HS3ST3A1: variants seen among roughly 807,000 people sequenced by gnomAD.
HS3ST3A1 encodes heparan sulfate-glucosamine 3-sulfotransferase 3A1.
A neutral mutation model predicts 25.7 loss-of-function variants in HS3ST3A1; 19 were observed. The ratio of observed to expected loss-of-function variants is 0.74; its 90% CI spans 0.52 to 1.08. The LOEUF is 1.08. Among genes scored for constraint, HS3ST3A1 ranks in the 50% least tolerant of loss-of-function variants. The pLI is 0.00. For synonymous variants in HS3ST3A1, 226 were observed against 278.6 expected (o/e 0.81, Z 1.88); for missense variants, 459 against 594.3 (o/e 0.77, Z 2.37).
At chr17:13,599,906 C>T (rs1219784922) in intron 1 of HS3ST3A1, among the ~76,000 whole-genome samples, 4 of 152,218 alleles carry the variant, frequency 2.6e-5, no homozygotes, top group Non-Finnish European at 5.9e-5. Context: ...AAACTCATTC[C>T]TTGCCCTCAA....
intron 1 of HS3ST3A1, among the ~76,000 whole-genome samples, chr17:13,533,941 A>C (rs1173777397): frequency 6.6e-6 from 1 of 152,174 alleles, no homozygotes; most frequent in Non-Finnish European, 1.5e-5. Flanking sequence ...AATTAGGATG[A>C]ATTTAGTATT....
intron 1 of HS3ST3A1, among the ~76,000 whole-genome samples, chr17:13,561,091 T>C (rs1039002193): frequency 6.6e-6 from 1 of 152,094 alleles, no homozygotes; most frequent in Non-Finnish European, 1.5e-5. Flanking sequence ...TGGGAGCTTT[T>C]AAAAGATGCA....
intron 1 of HS3ST3A1, among the ~76,000 whole-genome samples, chr17:13,522,853 G>GAGAC (rs1555538069): frequency 0.017 from 2,580 of 148,412 alleles, 56 homozygotes; most frequent in African/African-American, 0.054. Flanking sequence ...CACACAGAGA[G>GAGAC]ACACACACAC....
chr17:13,540,655 G>A (rs35808530), intron 1 of HS3ST3A1, among the ~76,000 whole-genome samples: 15,054 of 152,240 alleles, frequency 0.099, 892 homozygotes, highest in Non-Finnish European at 0.14. Flanking sequence ...AAGGAGAGGT[G>A]TGACTTACCA....
chr17:13,548,557 C>T lies in HS3ST3A1; in HGVS notation c.600-51739G>A, dbSNP rs144924921. Among the ~76,000 whole-genome samples the T allele has an allele frequency of 1.6e-3, 243 of 152,206 alleles. 3 individuals are homozygous for T. The highest frequency in any genetic ancestry group is 6.7e-3 in the Admixed American group (103 of 15,292). ...TTAACAAACCGTCTCTAATCCTATCCCCCAGTCTACCATATTCTTAGACTT... is the reference window on the plus strand; with the variant it reads ...TTAACAAACCGTCTCTAATCCTATCTCCCAGTCTACCATATTCTTAGACTT... On this transcript the variant is annotated intron_variant, in intron 1 of 1. Transcript: ENST00000284110.
chr17:13,578,399 A>AC (rs1908004184), intron 1 of HS3ST3A1, among the ~76,000 whole-genome samples: 2 of 150,540 alleles, frequency 1.3e-5, no homozygotes, highest in East Asian at 3.9e-4. Context: ...AATACAAAAA[A>AC]AAAAAAAAAA....
chr17:13,585,539 C>T (rs1412986302), intron 1 of HS3ST3A1, among the ~76,000 whole-genome samples: 1 of 150,824 alleles, frequency 6.6e-6, no homozygotes. Flanking sequence ...AAATGCATTT[C>T]AAAGTAAATT....
chr17:13,529,397 T>A (rs1906532853), intron 1 of HS3ST3A1, among the ~76,000 whole-genome samples: 1 of 152,204 alleles, frequency 6.6e-6, no homozygotes, highest in African/African-American at 2.4e-5. Flanking sequence ...TATCAAATTC[T>A]AACAAGGAAG....
At chr17:13,511,460 G>T (rs1477327940) in intron 1 of HS3ST3A1, among the ~76,000 whole-genome samples, 2 of 152,110 alleles carry the variant, frequency 1.3e-5, no homozygotes, top group Non-Finnish European at 2.9e-5. Flanking sequence ...CAGAGAGCAT[G>T]AAATAGCCTC....
At chr17:13,530,060 C>G (rs1406999482) in intron 1 of HS3ST3A1, among the ~76,000 whole-genome samples, 1 of 150,872 alleles carries the variant, frequency 6.6e-6, no homozygotes, top group Non-Finnish European at 1.5e-5. Flanking sequence ...GGGCATATAC[C>G]TACCATTAGG....
intron 1 of HS3ST3A1, among the ~76,000 whole-genome samples, chr17:13,585,850 T>C (rs914209497): frequency 4.4e-5 from 6 of 137,298 alleles, no homozygotes; most frequent in East Asian, 2.1e-4. Flanking sequence ...GTTTTTTTTT[T>C]TTTTTTTTTT....
chr17:13,533,766 T>A (rs568050802), intron 1 of HS3ST3A1, among the ~76,000 whole-genome samples: 1 of 152,216 alleles, frequency 6.6e-6, no homozygotes, highest in East Asian at 1.9e-4. Context: ...TCGTCAAAGA[T>A]CATAGTCTAG....
intron 1 of HS3ST3A1, among the ~76,000 whole-genome samples, chr17:13,561,506 C>A (rs1907548634): frequency 6.6e-6 from 1 of 151,984 alleles, no homozygotes; most frequent in Non-Finnish European, 1.5e-5. Flanking sequence ...CCTGCCTCAG[C>A]CTCCCAAGGA....
At chr17:13,579,701 C>CAAAAAAAAAA (rs543748713) in intron 1 of HS3ST3A1, among the ~76,000 whole-genome samples, 2 of 23,658 alleles carry the variant, frequency 8.5e-5, no homozygotes, top group Non-Finnish European at 1.6e-4. Flanking sequence ...ACTCCATCTC[C>CAAAAAAAAAA]AAAAAAAAAA....
chr17:13,574,591 G>A (rs577008571), intron 1 of HS3ST3A1, among the ~76,000 whole-genome samples: 11 of 151,902 alleles, frequency 7.2e-5, no homozygotes, highest in Non-Finnish European at 1.6e-4. Context: ...GGTGGCGGGC[G>A]CCTGTAGTCC....
chr17:13,502,995 A>G (rs1285576481), intron 1 of HS3ST3A1, among the ~76,000 whole-genome samples: 1 of 152,002 alleles, frequency 6.6e-6, no homozygotes, highest in African/African-American at 2.4e-5. Context: ...CCTGGCCAAC[A>G]TGGTGAAACC....
In HS3ST3A1 at chr17:13,585,842, T is replaced by G. The variant is rs1432745418; in HGVS notation, c.599+14689A>C. ...AGACCTGTTATTCCTCCTTCTGCGT[T>G]TTTTTTTTTTTTTTTTTTTTTTTTT... is the stretch of plus-strand genomic sequence containing the variant. On this transcript the variant is annotated intron_variant, in intron 1 of 1. Coordinates refer to ENST00000284110, the MANE Select transcript of HS3ST3A1 (RefSeq NM_006042.3). Among the ~76,000 whole-genome samples, 29 of 66,816 alleles carry G rather than the reference T, an allele frequency of 4.3e-4. 1 individual carries two copies. Among genetic ancestry groups the G allele is most frequent in the Non-Finnish European group, 7.2e-4 (26 of 36,132 alleles). 43.8% of individuals were successfully genotyped at this position (66,816 alleles called of 152,430 possible). A position where few individuals can be genotyped will look rare whatever the true frequency, so the allele number is the denominator to read the frequency against.
chr17:13,540,298 A>G (rs146586421), intron 1 of HS3ST3A1, among the ~76,000 whole-genome samples: 1 of 152,248 alleles, frequency 6.6e-6, no homozygotes, highest in East Asian at 1.9e-4. Flanking sequence ...GTTCTTGCCA[A>G]AGGGTTCAGG....
chr17:13,554,312 C>T (rs574258025), intron 1 of HS3ST3A1, among the ~76,000 whole-genome samples: 17 of 152,274 alleles, frequency 1.1e-4, no homozygotes, highest in Admixed American at 5.9e-4. Flanking sequence ...AAATTCACAG[C>T]GCTCAGGAGG....
Sources: allele counts gnomAD v4.1 joint callset (sites outside exome capture counted in the v4.1 genomes callset), GRCh38; gene constraint gnomAD v4.1.1; transcripts MANE v1.5; gene names NCBI Gene and HGNC (gene_info 2026-07-23, HGNC 2026-07-21).